The following SCNN1B variants were observed in gnomAD, a reference collection of about 807,000 sequenced individuals.
The protein encoded by SCNN1B is sodium channel epithelial 1 subunit beta, also known as epithelial sodium channel subunit beta.
SCNN1B carries 46 observed loss-of-function variants against 65.3 expected under a neutral mutation model. That is an observed-to-expected ratio of 0.70 (90% CI 0.56 to 0.90). SCNN1B has a LOEUF of 0.90. SCNN1B is among the 40% of genes least tolerant of loss of function. SCNN1B has a pLI of 0.00. For synonymous variants in SCNN1B, 349 were observed against 330.6 expected, an observed-to-expected ratio of 1.06 and a Z score of -0.60; for missense variants, 751 against 830.5, an observed-to-expected ratio of 0.90 and a Z score of 1.18.
chr16:23,337,374 C>CTTTTTCT (rs1961964070), intron 1 of SCNN1B, among the ~76,000 whole-genome samples: 1 of 134,110 alleles, frequency 7.5e-6, no homozygotes, highest in Non-Finnish European at 1.6e-5. Context: ...CTCTTTCTTT[C>CTTTTTCT]TTTTTTTTTT....
At chr16:23,373,770 C>T (rs1205191720) in intron 7 of SCNN1B, among the ~76,000 whole-genome samples, 4 of 152,116 alleles carry the variant, frequency 2.6e-5, no homozygotes, top group Non-Finnish European at 4.4e-5. Flanking sequence ...TTGGCCACCT[C>T]GCGTCTGGAG....
chr16:23,287,439 G>A (rs950039747), intron 2 of SCNN1B, among the ~76,000 whole-genome samples: 12 of 151,950 alleles, frequency 7.9e-5, no homozygotes, highest in African/African-American at 2.4e-4. Context: ...GGAATTACAT[G>A]TTAATAAAGA....
chr16:23,336,986 G>A (rs1227799752), intron 1 of SCNN1B, among the ~76,000 whole-genome samples: 1 of 152,072 alleles, frequency 6.6e-6, no homozygotes, highest in African/African-American at 2.4e-5. Flanking sequence ...TAGTTAGAGG[G>A]AAATAACAAA....
At chr16:23,301,651 GC>G (rs1961087109), upstream of SCNN1B, among the ~76,000 whole-genome samples, 2 of 152,266 alleles carry the variant, frequency 1.3e-5, no homozygotes, top group East Asian at 3.9e-4. Flanking sequence ...AATGCGCAAG[GC>G]CCGCCAGTGC....
At chr16:23,378,825 G>A in intron 11 of SCNN1B, 58 bp downstream of exon 11, 1 of 1,522,368 alleles carries the variant, frequency 6.6e-7, no homozygotes, top group East Asian at 2.2e-5. Flanking sequence ...GAAACTCGGG[G>A]CAGGAGTTTG....
Position 23,375,113 on chromosome 16 carries a change from C to T in SCNN1B, c.1153-625C>T, listed in dbSNP as rs181185017. 5.8e-3 allele frequency among the ~76,000 whole-genome samples: 889 copies of T among 152,234 alleles called. 6 individuals are homozygous for T. The highest frequency in any genetic ancestry group is 0.021 in the African/African-American group (859 of 41,534). On this transcript the variant is annotated intron_variant, in intron 7 of 12. Coordinates refer to ENST00000343070, the MANE Select transcript of SCNN1B (RefSeq NM_000336.3). Reference sequence around the variant, plus strand: ...ACCTGAAAGCCCAGTATGTTGGGGCCGAGTGAGTGGAGACTCATCACGTCC... The same window carrying T: ...ACCTGAAAGCCCAGTATGTTGGGGCTGAGTGAGTGGAGACTCATCACGTCC...
chr16:23,378,634 C>T, intron 10 of SCNN1B, 72 bp from the exon 11 acceptor site: 4 of 1,426,662 alleles, frequency 2.8e-6, no homozygotes, highest in Non-Finnish European at 4.0e-6. Context: ...TCTACCTCCC[C>T]CAGGGAACAG....
chr16:23,351,556 G>C, intron 2 of SCNN1B, among the ~76,000 whole-genome samples: 1 of 152,178 alleles, frequency 6.6e-6, no homozygotes, highest in East Asian at 1.9e-4. Flanking sequence ...GTTAGCTCTG[G>C]CTGCTGTACA....
chr16:23,318,534 G>A (rs1419859805), intron 1 of SCNN1B, among the ~76,000 whole-genome samples: 4 of 152,126 alleles, frequency 2.6e-5, no homozygotes, highest in Non-Finnish European at 5.9e-5. Context: ...GCTTGAACCC[G>A]GGAGGCAGAA....
At chr16:23,317,952 A>C (rs906728393) in intron 1 of SCNN1B, among the ~76,000 whole-genome samples, 3 of 152,322 alleles carry the variant, frequency 2.0e-5, no homozygotes, top group Middle Eastern at 3.4e-3. Context: ...CTGCCCTGCC[A>C]GCCTCCTTCT....
chr16:23,325,158 C>G (rs1961667759), intron 1 of SCNN1B, among the ~76,000 whole-genome samples: 1 of 152,198 alleles, frequency 6.6e-6, no homozygotes, highest in East Asian at 1.9e-4. Flanking sequence ...CCCAGCAGGA[C>G]AGGTCCAGAA....
intron 2 of SCNN1B, among the ~76,000 whole-genome samples, chr16:23,294,914 A>G (rs1960974478): frequency 6.6e-6 from 1 of 151,892 alleles, no homozygotes; most frequent in Non-Finnish European, 1.5e-5. Flanking sequence ...AATCACTTGA[A>G]CCTGGGAGGT....
chr16:23,349,601 G>C (rs973441244), intron 2 of SCNN1B, among the ~76,000 whole-genome samples: 1 of 152,134 alleles, frequency 6.6e-6, no homozygotes, highest in Non-Finnish European at 1.5e-5. Flanking sequence ...GGCACCCTCT[G>C]TCTTCAGGCA....
chr16:23,284,497 G>A (rs1226587919), intron 2 of SCNN1B, among the ~76,000 whole-genome samples: 2 of 152,186 alleles, frequency 1.3e-5, no homozygotes, highest in Admixed American at 6.5e-5. Context: ...CAACCCACAT[G>A]TTGGTCTTGT....
At chr16:23,290,957 C>T (rs887260360) in intron 2 of SCNN1B, among the ~76,000 whole-genome samples, 2 of 152,068 alleles carry the variant, frequency 1.3e-5, no homozygotes, top group Non-Finnish European at 2.9e-5. Context: ...GACATAAGCA[C>T]TGTTTAATAG....
upstream of SCNN1B, among the ~76,000 whole-genome samples, chr16:23,297,459 C>T (rs1350798257): frequency 6.6e-6 from 1 of 152,176 alleles, no homozygotes; most frequent in Non-Finnish European, 1.5e-5. Flanking sequence ...TAGTCTTATG[C>T]ATCTGAAATG....
At chr16:23,325,392 G>T (rs1372671841) in intron 1 of SCNN1B, among the ~76,000 whole-genome samples, 1 of 151,580 alleles carries the variant, frequency 6.6e-6, no homozygotes, top group African/African-American at 2.4e-5. Context: ...TCAGCCTCCC[G>T]AGTTTTTGGG....
At position 23,367,876 on chromosome 16, in the gene SCNN1B, A is replaced by G; in HGVS notation, c.797A>G (p.Tyr266Cys). The change falls in exon 5 of 13, where the codon TAC (tyrosine) becomes TGC (cysteine). Residue 266 changes from tyrosine (Y) to cysteine (C), a missense_variant. By Grantham distance (194) the Tyr-to-Cys change is radical (BLOSUM62 -2). Coordinates refer to ENST00000343070, the MANE Select transcript of SCNN1B (RefSeq NM_000336.3). ...TTTAGGAACTTCACGTCCATCTTCT[A>G]CCCTCACTATGGCAACTGTTACATC... ...CNYRNFTSIF[Y>C]PHYGNCYIFN... The G allele has an allele frequency of 2.5e-6, 4 of 1,614,066 alleles. No homozygotes were observed. The South Asian group carries it at 3.3e-5, about 13-fold the overall frequency.
chr16:23,352,398 A>G (rs934322711), intron 2 of SCNN1B, among the ~76,000 whole-genome samples: 1 of 151,926 alleles, frequency 6.6e-6, no homozygotes, highest in African/African-American at 2.4e-5. Flanking sequence ...TTGAATTGTA[A>G]CCCCCATGTG....
Sources: gnomAD v4.1 joint callset for allele counts (sites outside exome capture counted in the v4.1 genomes callset) on GRCh38, gnomAD v4.1.1 for gene constraint, MANE v1.5 for transcripts, NCBI Gene and HGNC (gene_info 2026-07-23, HGNC 2026-07-21) for gene names.